The following QTMAN variants were observed in gnomAD, a reference collection of about 807,000 sequenced individuals.
QTMAN encodes the protein tRNA-queuosine alpha-mannosyltransferase.
the QTMAN span, among the ~76,000 whole-genome samples, chr2:144,262,796 G>C: frequency 4.4e-5 from 3 of 68,718 alleles, no homozygotes; most frequent in African/African-American, 6.1e-5. Flanking sequence ...GATGGGAGGA[G>C]AGGTGAGATG....
At chr2:144,293,851 T>C in the QTMAN span, among the ~76,000 whole-genome samples, 1 of 152,356 alleles carries the variant, frequency 6.6e-6, no homozygotes, top group South Asian at 2.1e-4. Flanking sequence ...TTTTGGCTTT[T>C]TAACTCCCAA....
chr2:144,108,840 G>A, the QTMAN span, among the ~76,000 whole-genome samples: 5 of 151,956 alleles, frequency 3.3e-5, no homozygotes, highest in Non-Finnish European at 7.4e-5. Flanking sequence ...AAATACCTAG[G>A]AATCCAACTT....
the QTMAN span, among the ~76,000 whole-genome samples, chr2:144,261,065 A>G: frequency 4.6e-4 from 70 of 152,308 alleles, no homozygotes; most frequent in South Asian, 8.7e-3. Context: ...TTGTTATTCA[A>G]TATCTTCTAC....
chr2:144,208,611 C>A, the QTMAN span: 2 of 1,612,642 alleles, frequency 1.2e-6, no homozygotes, highest in African/African-American at 1.3e-5. Context: ...ACCTGTAATG[C>A]TCACTGATGG....
chr2:144,091,019 TAA>T, the QTMAN span, among the ~76,000 whole-genome samples: 1 of 151,790 alleles, frequency 6.6e-6, no homozygotes, highest in African/African-American at 2.4e-5. Flanking sequence ...CGGAACAGAA[TAA>T]AGAGTTGAGA....
At chr2:144,113,276 C>T in the QTMAN span, among the ~76,000 whole-genome samples, 1 of 151,774 alleles carries the variant, frequency 6.6e-6, no homozygotes, top group Non-Finnish European at 1.5e-5. Flanking sequence ...TAAGTAAAGA[C>T]AAACCAAATA....
At chr2:144,079,164 T>C in the QTMAN span, among the ~76,000 whole-genome samples, 2 of 152,096 alleles carry the variant, frequency 1.3e-5, no homozygotes, top group South Asian at 2.1e-4. Flanking sequence ...GACAATGAAA[T>C]AGAGGAGGCA....
At chr2:144,060,460 C>T in the QTMAN span, among the ~76,000 whole-genome samples, 1 of 152,122 alleles carries the variant, frequency 6.6e-6, no homozygotes, top group Non-Finnish European at 1.5e-5. Context: ...AGGGTTTCGC[C>T]ATGTTGGCCA....
At chr2:144,186,844 C>T in the QTMAN span, among the ~76,000 whole-genome samples, 1 of 152,122 alleles carries the variant, frequency 6.6e-6, no homozygotes, top group Non-Finnish European at 1.5e-5. Context: ...AAAATCCACC[C>T]AGAAATGTCA....
chr2:144,285,518 AG>A, the QTMAN span, among the ~76,000 whole-genome samples: 1 of 152,232 alleles, frequency 6.6e-6, no homozygotes, highest in Non-Finnish European at 1.5e-5. Context: ...TCTGTCACAC[AG>A]CTAGAAAGTG....
the QTMAN span, among the ~76,000 whole-genome samples, chr2:144,275,129 A>G: frequency 3.3e-5 from 5 of 152,320 alleles, no homozygotes; most frequent in Admixed American, 1.3e-4. Context: ...TCACGTCTGT[A>G]ATCCCAGCAC....
chr2:144,136,340 G>A, the QTMAN span, among the ~76,000 whole-genome samples: 1 of 146,032 alleles, frequency 6.8e-6, no homozygotes, highest in Non-Finnish European at 1.5e-5. Context: ...GGGGAGGGGA[G>A]GGGAGCGGAG....
the QTMAN span, among the ~76,000 whole-genome samples, chr2:144,308,868 T>C: frequency 3.3e-5 from 5 of 151,576 alleles, no homozygotes; most frequent in Non-Finnish European, 7.4e-5. Flanking sequence ...AGAGAAAACA[T>C]CTAACAAGAA....
At chr2:144,084,881 G>C in the QTMAN span, among the ~76,000 whole-genome samples, 1 of 152,194 alleles carries the variant, frequency 6.6e-6, no homozygotes, top group Non-Finnish European at 1.5e-5. Flanking sequence ...CAAAACTTTA[G>C]TGTGCATTAA....
At chr2:144,202,702 C>G in the QTMAN span, among the ~76,000 whole-genome samples, 22 of 152,144 alleles carry the variant, frequency 1.4e-4, no homozygotes, top group East Asian at 3.1e-3. Flanking sequence ...AAACATCCAG[C>G]TTGTCTTTTA....
the QTMAN span, among the ~76,000 whole-genome samples, chr2:144,298,579 C>G: frequency 6.6e-6 from 1 of 152,168 alleles, no homozygotes; most frequent in African/African-American, 2.4e-5. Context: ...AATCTATGTT[C>G]TTCACTCAGC....
At chr2:144,211,611 G>A in the QTMAN span, 1 of 152,688 alleles carries the variant, frequency 6.5e-6, no homozygotes, top group East Asian at 1.9e-4. Context: ...TTAGATACAA[G>A]TAAATGGGGA....
At chr2:144,178,669 C>T in the QTMAN span, 23 of 179,854 alleles carry the variant, frequency 1.3e-4, no homozygotes, top group African/African-American at 5.3e-4. Context: ...TGGTCTGCAG[C>T]ACCTACCCTA....
chr2:144,040,829 C>T, the QTMAN span, among the ~76,000 whole-genome samples: 1 of 152,258 alleles, frequency 6.6e-6, no homozygotes, highest in South Asian at 2.1e-4. Context: ...AAGCTTCTTA[C>T]TCAACACAGA....
Sources: gnomAD v4.1 joint callset for allele counts (sites outside exome capture counted in the v4.1 genomes callset) on GRCh38, gnomAD v4.1.1 for gene constraint, MANE v1.5 for transcripts, NCBI Gene and HGNC (gene_info 2026-07-23, HGNC 2026-07-21) for gene names.